CAAP1: variants seen among roughly 807,000 people sequenced by gnomAD.
CAAP1 encodes the protein conserved anti-apoptotic protein.
In CAAP1, 20 loss-of-function variants were observed where a neutral mutation model predicts 34.0. The observed-to-expected ratio is 0.59, with a 90% confidence interval of 0.41 to 0.86. CAAP1 has a LOEUF of 0.86. CAAP1 is among the 40% of genes least tolerant of loss of function. CAAP1 has a pLI of 0.00. For missense variants in CAAP1, 538 were observed against 450.5 expected, an observed-to-expected ratio of 1.19 and a Z score of -1.76; for synonymous variants, 213 against 166.7, an observed-to-expected ratio of 1.28 and a Z score of -2.14.
chr9:26,875,185 G>A (rs1823396949), intron 4 of CAAP1, among the ~76,000 whole-genome samples: 1 of 152,150 alleles, frequency 6.6e-6, no homozygotes, highest in Admixed American at 6.6e-5. Flanking sequence ...AGGGGTTCAA[G>A]ACCAGCCTAG....
At chr9:26,842,740 AC>A (rs2131290135) in intron 5 of CAAP1, 93 bp from the exon 6 acceptor site, 2 of 1,014,014 alleles carry the variant, frequency 2.0e-6, no homozygotes, top group South Asian at 3.3e-5. Context: ...CTTTGATCCC[AC>A]CTCCCACTAT....
intron 4 of CAAP1, among the ~76,000 whole-genome samples, chr9:26,879,449 T>C (rs1481024421): frequency 6.6e-6 from 1 of 152,238 alleles, no homozygotes; most frequent in Non-Finnish European, 1.5e-5. Flanking sequence ...TTGATTTCTA[T>C]CCCCTATTTT....
rs1823932294 is a variant in CAAP1 at position 26,892,492 on chromosome 9, C to T, written c.224G>A (p.Gly75Asp). 1 of 1,568,018 alleles carries T rather than the reference C, an allele frequency of 6.4e-7. No homozygotes were observed. The highest frequency in any genetic ancestry group is 1.9e-5 in the Admixed American group (1 of 53,688). Residue 75 changes from glycine to aspartate, a missense_variant, in exon 1 of 6, where the codon GGC becomes GAC. Transcript: ENST00000333916. ...TGGGSGGSCW[G>D]GSSVERSERR... The stretch of plus-strand genomic sequence containing the variant: ...CTCGCTGCGCTCCACGCTGCTCCCG[C>T]CCCAACAGCTGCCGCCGCTCCCACC...
chr9:26,887,303 A>G lies in CAAP1; in HGVS notation c.504+10T>C, dbSNP rs1006310237. 1.3e-6 allele frequency: 2 copies of G among 1,529,666 alleles called. No homozygotes were observed. Among genetic ancestry groups the G allele is most frequent in the Non-Finnish European group, 1.8e-6 (2 of 1,125,804 alleles). The allele number at this position is 1,529,666 out of a possible 1,614,324, so 94.8% of individuals were successfully genotyped here. ...TACATATGTATCTAGTCTGATGTGT[A>G]ATGAAGTACCTTTAACACATCAGGA... On this transcript the variant is annotated intron_variant, in intron 2 of 5. Transcript: ENST00000333916.
chr9:26,841,627 T>A lies in CAAP1; in HGVS notation c.*674A>T, dbSNP rs965619637. On this transcript the variant is annotated 3_prime_UTR_variant, in exon 6 of 6. Coordinates refer to ENST00000333916, the MANE Select transcript of CAAP1 (RefSeq NM_024828.4). The stretch of plus-strand genomic sequence containing the variant: ...AAATGAAAACTTGTTCCATTTTTAT[T>A]AAAGAAAAAACCTAGAATAATGCAT... 12 of 152,552 alleles carry A rather than the reference T, an allele frequency of 7.9e-5. No individual in the cohort carries two copies. Among genetic ancestry groups the A allele is most frequent in the African/African-American group, 2.9e-4 (12 of 41,440 alleles). 9.4% of individuals were successfully genotyped at this position (152,552 alleles called of 1,614,324 possible). A position where few individuals can be genotyped will look rare whatever the true frequency, so the allele number is the denominator to read the frequency against.
rs539844823 is a variant in CAAP1 at position 26,871,914 on chromosome 9, A to AAAATAAATAAATAAATAAATAAAT, written c.666-10799_666-10776dup. On this transcript the variant is annotated intron_variant, in intron 4 of 5. Transcript: ENST00000333916. ...GGGCGACAGAGCCAGACTTCATCTC[A>AAAATAAATAAATAAATAAATAAAT]AAATAAATAAATAAATAAATAAATA... is the stretch of plus-strand genomic sequence containing the variant. 1.5e-3 allele frequency among the ~76,000 whole-genome samples: 220 copies of AAAATAAATAAATAAATAAATAAAT among 149,760 alleles called. 1 individual carries two copies. The highest frequency in any genetic ancestry group is 5.4e-3 in the African/African-American group (215 of 39,482).
chr9:26,856,029 C>T (rs973422237), intron 5 of CAAP1, among the ~76,000 whole-genome samples: 4 of 152,060 alleles, frequency 2.6e-5, no homozygotes, highest in South Asian at 2.1e-4. Context: ...ACTGCAGCTT[C>T]GACCTCCTTC....
intron 5 of CAAP1, among the ~76,000 whole-genome samples, chr9:26,847,198 ATTTTTTTTTTTTT>A (rs1171628621): frequency 3.6e-3 from 126 of 34,754 alleles, no homozygotes; most frequent in South Asian, 0.015. Context: ...AAAAAGCAAT[ATTTTTTTTTTTTT>A]TTTTTTTTTT....
chr9:26,850,281 ACTCT>A (rs1255169081), intron 5 of CAAP1, among the ~76,000 whole-genome samples: 5 of 151,714 alleles, frequency 3.3e-5, no homozygotes, highest in African/African-American at 7.3e-5. Context: ...CTTCCTGAAA[ACTCT>A]CTCTCTCACA....
chr9:26,875,632 T>C (rs548696055), intron 4 of CAAP1, among the ~76,000 whole-genome samples: 1 of 151,746 alleles, frequency 6.6e-6, no homozygotes, highest in South Asian at 2.1e-4. Context: ...CCTTTATGTA[T>C]TTTCCCCTTC....
intron 5 of CAAP1, among the ~76,000 whole-genome samples, chr9:26,849,690 T>C (rs895583083): frequency 3.6e-5 from 5 of 140,190 alleles, no homozygotes; most frequent in East Asian, 3.8e-4. Context: ...ATTTCCTTTT[T>C]TTCTTTAGGT....
intron 5 of CAAP1, among the ~76,000 whole-genome samples, chr9:26,855,486 G>T (rs1451375350): frequency 6.6e-6 from 1 of 152,146 alleles, no homozygotes; most frequent in Non-Finnish European, 1.5e-5. Context: ...TATGGACTTG[G>T]TTAATAATAA....
At chr9:26,892,362 CT>C in intron 1 of CAAP1, 50 bp downstream of exon 1, 1 of 1,592,634 alleles carries the variant, frequency 6.3e-7, no homozygotes, top group South Asian at 1.1e-5. Flanking sequence ...AGCCCGACTT[CT>C]TCCGAAAAAG....
chr9:26,859,783 T>C (rs1822964642), intron 5 of CAAP1, among the ~76,000 whole-genome samples: 1 of 152,212 alleles, frequency 6.6e-6, no homozygotes, highest in Admixed American at 6.5e-5. Flanking sequence ...TGGCTTTATA[T>C]GAGGTTATCA....
rs752383772 is a variant in CAAP1, at chr9:26,842,282, T to C, written c.*19A>G. Reference sequence around the variant, plus strand: ...GGCTTTGTTCAAACATACCTAAAATTCAAAATCAAGTTAAATACCTAGGCT... The same window carrying C: ...GGCTTTGTTCAAACATACCTAAAATCCAAAATCAAGTTAAATACCTAGGCT... On this transcript the variant is annotated 3_prime_UTR_variant, in exon 6 of 6. Coordinates refer to ENST00000333916, the MANE Select transcript of CAAP1 (RefSeq NM_024828.4). 16 of 1,522,806 alleles carry C rather than the reference T, an allele frequency of 1.1e-5. No individual in the cohort carries two copies. The highest frequency in any genetic ancestry group is 1.4e-5 in the Non-Finnish European group (16 of 1,136,430). 94.3% of individuals were successfully genotyped at this position (1,522,806 alleles called of 1,614,324 possible).
chr9:26,889,203 G>C (rs1011136179), intron 1 of CAAP1, among the ~76,000 whole-genome samples: 3 of 152,100 alleles, frequency 2.0e-5, no homozygotes, highest in Non-Finnish European at 2.9e-5. Flanking sequence ...GATCACCTGA[G>C]GTCAGCTGTT....
intron 2 of CAAP1, among the ~76,000 whole-genome samples, chr9:26,887,022 T>C (rs898391058): frequency 1.3e-5 from 2 of 152,186 alleles, no homozygotes; most frequent in African/African-American, 2.4e-5. Flanking sequence ...GAGACCAGCC[T>C]GGCCAACACG....
Position 26,876,478 on chromosome 9 carries a change from T to TG in CAAP1, c.665+8331_665+8332insC, listed in dbSNP as rs1587118574. 2.0e-5 allele frequency among the ~76,000 whole-genome samples: 3 copies of TG among 151,840 alleles called. No individual in the cohort carries two copies. The East Asian group carries it at 5.8e-4, about 29-fold the overall frequency. ...CATATATGCATTCTAGAAGGTTTTTTTTTTTTTTTTTTTGAGATTCCTTAA... is the reference window on the plus strand; with the variant it reads ...CATATATGCATTCTAGAAGGTTTTTTGTTTTTTTTTTTTTGAGATTCCTTAA... On this transcript the variant is annotated intron_variant, in intron 4 of 5. Transcript: ENST00000333916.
intron 4 of CAAP1, among the ~76,000 whole-genome samples, chr9:26,881,754 C>T (rs1005841440): frequency 2.0e-5 from 3 of 152,130 alleles, no homozygotes; most frequent in African/African-American, 7.2e-5. Flanking sequence ...AACTTTGGAA[C>T]TGGATAACAG....
Sources: allele counts gnomAD v4.1 joint callset (sites outside exome capture counted in the v4.1 genomes callset), GRCh38; gene constraint gnomAD v4.1.1; transcripts MANE v1.5; gene names NCBI Gene and HGNC (gene_info 2026-07-23, HGNC 2026-07-21).